MYO18B: variants seen among roughly 807,000 people sequenced by gnomAD.
MYO18B encodes the protein myosin XVIIIB.
MYO18B carries 204 observed loss-of-function variants against 273.0 expected under a neutral mutation model. The observed-to-expected ratio is 0.75, with a 90% CI of 0.67 to 0.84. MYO18B has a LOEUF of 0.84. Ranked by LOEUF, MYO18B falls within the 40% of genes least tolerant of loss-of-function variation. MYO18B has a pLI of 0.00. For missense variants in MYO18B, 3,212 were observed against 3,287.6 expected (o/e 0.98, Z 0.56); for synonymous variants, 1,330 against 1,305.7 (o/e 1.02, Z -0.40).
In MYO18B at chr22:26,026,957, G is replaced by C. The variant is rs1936292593; in HGVS notation, c.6983G>C (p.Cys2328Ser). 1 of 1,613,846 alleles carries C rather than the reference G, an allele frequency of 6.2e-7. No individual in the cohort carries two copies. The highest frequency in any genetic ancestry group is 1.1e-5 in the South Asian group (1 of 91,074). Residue 2328 changes from cysteine to serine, a missense_variant, in exon 43 of 44, where the codon TGC becomes TCC. Coordinates refer to ENST00000335473, the MANE Select transcript of MYO18B (RefSeq NM_032608.7). ...GGLLRSTSLK[C>S]ISSDGVGGTT... ...CTCTTGAGGTCCACCAGCCTCAAAT[G>C]CATCTCTTCAGACGGTGTTGGGGGC...
At chr22:26,045,321 G>A in the MYO18B span, among the ~76,000 whole-genome samples, 5 of 152,090 alleles carry the variant, frequency 3.3e-5, no homozygotes, top group African/African-American at 1.2e-4. Context: ...TGTCAGCTGG[G>A]TCATCCGAGA....
intron 1 of MYO18B, among the ~76,000 whole-genome samples, chr22:25,749,239 A>C (rs2085868808): frequency 1.3e-5 from 2 of 152,224 alleles, no homozygotes; most frequent in African/African-American, 2.4e-5. Flanking sequence ...TTAATGAAAG[A>C]ACTCTCCCAA....
At chr22:25,913,455 C>G (rs1421394047) in intron 33 of MYO18B, among the ~76,000 whole-genome samples, 1 of 152,224 alleles carries the variant, frequency 6.6e-6, no homozygotes, top group African/African-American at 2.4e-5. Flanking sequence ...GCTCCGCTTC[C>G]TGGGTTCATG....
intron 20 of MYO18B, among the ~76,000 whole-genome samples, chr22:25,849,972 T>A (rs149544234): frequency 2.3e-3 from 351 of 152,258 alleles, no homozygotes; most frequent in African/African-American, 7.8e-3. Flanking sequence ...GAAAGGTGAA[T>A]CAGTTGTCCC....
rs367809218 is a variant in MYO18B at position 25,843,814 on chromosome 22, C to T, written c.3288C>T (p.Tyr1096=). 11 of 1,613,710 alleles carry T rather than the reference C, an allele frequency of 6.8e-6. No individual in the cohort carries two copies. The highest frequency in any genetic ancestry group is 2.2e-5 in the East Asian group (1 of 44,892). ...AGTTGGGATGGGACCCTGTGCGGTA[C>T]GACCTCACGGGCTGGCTCCACAGAG... ...FHQLGWDPVR[Y]DLTGWLHRAK... The change falls in exon 18 of 44, where the codon TAC becomes TAT. Residue 1096 remains tyrosine, a synonymous_variant. Coordinates refer to ENST00000335473, the MANE Select transcript of MYO18B (RefSeq NM_032608.7).
intron 11 of MYO18B, among the ~76,000 whole-genome samples, chr22:25,795,114 T>TGTGTAGC (rs2087853322): frequency 1.3e-5 from 2 of 152,068 alleles, no homozygotes; most frequent in Non-Finnish European, 1.5e-5. Flanking sequence ...TGCTGTGTAG[T>TGTGTAGC]GCTCCATCGC....
At chr22:26,057,347 T>A in the MYO18B span, among the ~76,000 whole-genome samples, 1 of 152,092 alleles carries the variant, frequency 6.6e-6, no homozygotes, top group Non-Finnish European at 1.5e-5. Flanking sequence ...AATAATATGA[T>A]TTTATTGGGT....
intron 42 of MYO18B, among the ~76,000 whole-genome samples, chr22:26,020,547 A>T (rs1467221956): frequency 1.3e-5 from 2 of 152,184 alleles, no homozygotes; most frequent in Non-Finnish European, 2.9e-5. Context: ...AAGGGTTAAG[A>T]TTTTAAAATT....
At chr22:25,950,518 ATGTG>A (rs59002655) in intron 37 of MYO18B, 68 bp downstream of exon 37, 221 of 605,722 alleles carry the variant, frequency 3.6e-4, no homozygotes, top group East Asian at 1.9e-3. Flanking sequence ...AACTAATAGG[ATGTG>A]TGTGTGTGTG....
the MYO18B span, among the ~76,000 whole-genome samples, chr22:26,049,422 G>C: frequency 0.092 from 13,990 of 152,264 alleles, 1,150 homozygotes; most frequent in African/African-American, 0.21. Flanking sequence ...TAACAGCCTA[G>C]TCCAGAGTCA....
At chr22:26,053,284 C>T in the MYO18B span, among the ~76,000 whole-genome samples, 5 of 152,176 alleles carry the variant, frequency 3.3e-5, no homozygotes, top group South Asian at 1.0e-3. Context: ...ATCACTGCTA[C>T]TACTTGTTAA....
At chr22:26,018,437 A>C (rs1044692228) in intron 42 of MYO18B, among the ~76,000 whole-genome samples, 2 of 151,918 alleles carry the variant, frequency 1.3e-5, no homozygotes, top group East Asian at 1.9e-4. Flanking sequence ...CTTGCTTTGA[A>C]CTTCCCTCTC....
At chr22:26,036,332 C>T in the MYO18B span, among the ~76,000 whole-genome samples, 2 of 152,150 alleles carry the variant, frequency 1.3e-5, no homozygotes, top group African/African-American at 2.4e-5. Flanking sequence ...ACCCTGTCAC[C>T]CTTTGTTAAG....
chr22:25,874,465 G>T, intron 23 of MYO18B, 51 bp downstream of exon 23: 2 of 1,571,634 alleles, frequency 1.3e-6, no homozygotes, highest in East Asian at 2.3e-5. Context: ...TCTGGAGCGG[G>T]CATAGGGTCT....
chr22:25,760,904 T>C (rs2086290681), intron 1 of MYO18B, 80 bp from the exon 2 acceptor site: 10 of 641,412 alleles, frequency 1.6e-5, no homozygotes, highest in South Asian at 1.5e-4. Flanking sequence ...GTTTATGGCG[T>C]TGGTGGGGGT....
At chr22:26,038,332 C>T in the MYO18B span, among the ~76,000 whole-genome samples, 14 of 152,286 alleles carry the variant, frequency 9.2e-5, no homozygotes, top group South Asian at 1.7e-3. Context: ...TCACCATAGG[C>T]GAGCTGTATG....
chr22:26,023,066 CCT>C (rs1276163745), intron 42 of MYO18B, among the ~76,000 whole-genome samples: 2 of 152,176 alleles, frequency 1.3e-5, no homozygotes, highest in Admixed American at 6.5e-5. Context: ...GCCTGAAAGG[CCT>C]CTGTTTCCCC....
At chr22:25,948,465 TC>T in intron 36 of MYO18B, among the ~76,000 whole-genome samples, 2 of 141,382 alleles carry the variant, frequency 1.4e-5, no homozygotes, top group African/African-American at 5.4e-5. Flanking sequence ...CTTCCTTCTT[TC>T]TTTCTTTCTT....
At chr22:25,872,662 G>A (rs1040100158) in intron 22 of MYO18B, among the ~76,000 whole-genome samples, 1 of 150,368 alleles carries the variant, frequency 6.7e-6, no homozygotes, top group Non-Finnish European at 1.5e-5. Context: ...GTGGGCCAAT[G>A]CCTTTTTTTT....
Sources: gnomAD v4.1 joint callset for allele counts (sites outside exome capture counted in the v4.1 genomes callset) on GRCh38, gnomAD v4.1.1 for gene constraint, MANE v1.5 for transcripts, NCBI Gene and HGNC (gene_info 2026-07-23, HGNC 2026-07-21) for gene names.